Variants in ZNF330 observed in about 807,000 individuals in gnomAD.
ZNF330 encodes nucleolar atypical zinc finger.
In ZNF330, 31 loss-of-function variants were observed where a neutral mutation model predicts 45.5. The ratio of observed to expected loss-of-function variants is 0.68; its 90% CI spans 0.51 to 0.92. The LOEUF is 0.92. Among genes scored for constraint, ZNF330 ranks in the 40% least tolerant of loss-of-function variants. The pLI, the probability that ZNF330 is intolerant of heterozygous loss-of-function variation, is 0.00. For synonymous variants in ZNF330, 138 were observed against 123.2 expected (o/e 1.12, Z -0.79); for missense variants, 356 against 387.4 (o/e 0.92, Z 0.68).
intron 5 of ZNF330, among the ~76,000 whole-genome samples, chr4:141,228,436 T>C (rs1160032264): frequency 6.6e-6 from 1 of 152,044 alleles, no homozygotes; most frequent in Non-Finnish European, 1.5e-5. Context: ...AAGATCTGGG[T>C]GTTTATTCCT....
rs756694015 is a variant in ZNF330 at position 141,230,162 on chromosome 4, A to T, written c.419-4A>T. The T allele has an allele frequency of 1.9e-6, 3 of 1,591,256 alleles. No individual in the cohort carries two copies. The East Asian group carries it at 6.7e-5, about 36-fold the overall frequency. On this transcript the variant is annotated splice_region_variant and splice_polypyrimidine_tract_variant and intron_variant, in intron 6 of 9. Coordinates refer to ENST00000262990, the MANE Select transcript of ZNF330 (RefSeq NM_014487.6). The stretch of plus-strand genomic sequence containing the variant: ...ATTACATTTGTGTTTTTTTAATCCA[A>T]TAGGAGGCAGAATATTCAGTTGTTC...
intron 9 of ZNF330, 107 bp from the exon 10 acceptor site, chr4:141,233,606 TCA>T: frequency 6.2e-6 from 9 of 1,442,650 alleles, no homozygotes; most frequent in African/African-American, 4.3e-5. Context: ...ACCTATTTTT[TCA>T]TTTGGGATTG....
intron 7 of ZNF330, among the ~76,000 whole-genome samples, chr4:141,230,875 G>A (rs1412391491): frequency 6.6e-6 from 1 of 152,002 alleles, no homozygotes; most frequent in African/African-American, 2.4e-5. Flanking sequence ...TTTACACATA[G>A]TTTTTTTCTT....
chr4:141,229,657 T>C lies in ZNF330; in HGVS notation c.378T>C (p.Asp126=). Residue 126 remains aspartate (D), a synonymous_variant, in exon 6 of 10, where the codon GAT becomes GAC. Coordinates refer to ENST00000262990, the MANE Select transcript of ZNF330 (RefSeq NM_014487.6). The stretch of plus-strand genomic sequence containing the variant: ...ATGCTTGTGCCTGCCCTCTTACCGA[T>C]GCTGAGTGTGTTGAATGTGAACGAG... ...STHACACPLT[D]AECVECERGV... The C allele has an allele frequency of 6.2e-7, 1 of 1,613,214 alleles. No individual in the cohort carries two copies.
Position 141,224,634 on chromosome 4 carries a change from C to T in ZNF330, c.168C>T (p.Tyr56=). ...GGCAGAAGAATAGAGCATTTTGCTA[C>T]TTTTGTAATTCTGTACAGAAGTTAC... ...QRRQKNRAFC[Y]FCNSVQKLPI... Residue 56 remains tyrosine (Y), a synonymous_variant, in exon 4 of 10, where the codon TAC becomes TAT. Transcript: ENST00000262990. 2 of 1,613,528 alleles carry T rather than the reference C, an allele frequency of 1.2e-6. No homozygotes were observed. Among genetic ancestry groups the T allele is most frequent in the Non-Finnish European group, 1.7e-6 (2 of 1,179,646 alleles).
chr4:141,232,445 A>G (rs1728980864), intron 8 of ZNF330, 80 bp from the exon 9 acceptor site: 7 of 712,044 alleles, frequency 9.8e-6, no homozygotes, highest in Non-Finnish European at 1.2e-5. Context: ...ATAAAGCTAT[A>G]TCTTTAAAAC....
At chr4:141,230,706 G>A (rs1000198602) in intron 7 of ZNF330, among the ~76,000 whole-genome samples, 3 of 152,052 alleles carry the variant, frequency 2.0e-5, no homozygotes, top group African/African-American at 7.2e-5. Flanking sequence ...AATACCTGTG[G>A]AGGTTTTAAA....
At chr4:141,226,878 G>C (rs753302753) in intron 5 of ZNF330, 32 bp downstream of exon 5, 1 of 1,510,490 alleles carries the variant, frequency 6.6e-7, no homozygotes, top group Non-Finnish European at 9.1e-7. Context: ...AGACTAGTAC[G>C]TTTTCAAGGA....
chr4:141,222,499 C>T lies in ZNF330; in HGVS notation c.120+8C>T. The T allele has an allele frequency of 6.2e-7, 1 of 1,605,876 alleles. No individual in the cohort carries two copies. Among genetic ancestry groups the T allele is most frequent in the East Asian group, 2.2e-5 (1 of 44,708 alleles). On this transcript the variant is annotated splice_region_variant and intron_variant, in intron 2 of 9. Coordinates refer to ENST00000262990, the MANE Select transcript of ZNF330 (RefSeq NM_014487.6). ...CCATGTAATGCCTCAATGGTATCAG[C>T]TTTTTTTGATATCAGTTGGTAGTTG...
intron 4 of ZNF330, among the ~76,000 whole-genome samples, chr4:141,226,341 A>G (rs1728803907): frequency 6.6e-6 from 1 of 152,186 alleles, no homozygotes; most frequent in Admixed American, 6.5e-5. Flanking sequence ...ATTCTGTGGA[A>G]AGAAATAACT....
At chr4:141,222,181 C>T (rs1728695120) in intron 1 of ZNF330, among the ~76,000 whole-genome samples, 185 bp from the exon 2 acceptor site, 1 of 152,060 alleles carries the variant, frequency 6.6e-6, no homozygotes, top group Admixed American at 6.5e-5. Context: ...TTAAGGATCA[C>T]CCGCTTCATT....
rs892526490 is a variant in ZNF330 at position 141,234,180 on chromosome 4, T to C, written c.*191T>C. 2 of 1,094,794 alleles carry C rather than the reference T, an allele frequency of 1.8e-6. No individual in the cohort carries two copies. Among genetic ancestry groups the C allele is most frequent in the African/African-American group, 3.2e-5 (2 of 62,826 alleles). The allele number at this position is 1,094,794 out of a possible 1,614,324, so 67.8% of individuals were successfully genotyped here. On this transcript the variant is annotated 3_prime_UTR_variant, in exon 10 of 10. Coordinates refer to ENST00000262990, the MANE Select transcript of ZNF330 (RefSeq NM_014487.6). The stretch of plus-strand genomic sequence containing the variant: ...AATCAGGCTTATGGCATAAGAAAAA[T>C]GAGTTTCAAATTTAAGATGTTTATT...
chr4:141,232,318 T>C (rs1008236149), intron 8 of ZNF330, among the ~76,000 whole-genome samples: 19 of 152,256 alleles, frequency 1.2e-4, no homozygotes, highest in African/African-American at 4.3e-4. Flanking sequence ...ATACTCAATA[T>C]AGTCTGCCTT....
chr4:141,227,642 G>T (rs187826864), intron 5 of ZNF330, among the ~76,000 whole-genome samples: 1 of 152,054 alleles, frequency 6.6e-6, no homozygotes, highest in Non-Finnish European at 1.5e-5. Flanking sequence ...ATAATCCTTT[G>T]GGTATATACT....
chr4:141,221,141 G>T (rs544906545), intron 1 of ZNF330, 33 bp downstream of exon 1: 1 of 152,350 alleles, frequency 6.6e-6, no homozygotes, highest in African/African-American at 2.4e-5. Flanking sequence ...GACGGTTGCG[G>T]GTCCCCGTTG....
chr4:141,231,531 T>A, intron 8 of ZNF330, 46 bp downstream of exon 8: 2 of 1,449,782 alleles, frequency 1.4e-6, no homozygotes, highest in Non-Finnish European at 1.9e-6. Flanking sequence ...TTTTAATCTC[T>A]ATACCCCTCC....
chr4:141,227,060 C>A (rs1454283166), intron 5 of ZNF330, among the ~76,000 whole-genome samples: 1 of 151,138 alleles, frequency 6.6e-6, no homozygotes, highest in Non-Finnish European at 1.5e-5. Context: ...AGGGAACATA[C>A]AAGGCATGGA....
rs773620710 is a variant in ZNF330, at chr4:141,229,632, A to G, written c.353A>G (p.His118Arg). ...CATGGTAGGAAATGTCTCAGTACACATGCTTGTGCCTGCCCTCTTACCGAT... is the reference window on the plus strand; with the variant it reads ...CATGGTAGGAAATGTCTCAGTACACGTGCTTGTGCCTGCCCTCTTACCGAT... ...VCHGRKCLST[H>R]ACACPLTDAE... The change falls in exon 6 of 10, where the codon CAT (histidine) becomes CGT (arginine). Residue 118 changes from histidine to arginine, a missense_variant. Physicochemically the swap from His to Arg is conservative, Grantham distance 29. Transcript: ENST00000262990. 1.2e-6 allele frequency: 2 copies of G among 1,613,280 alleles called. No individual in the cohort carries two copies. Among genetic ancestry groups the G allele is most frequent in the Non-Finnish European group, 1.7e-6 (2 of 1,179,356 alleles).
rs1729043088 is a variant in ZNF330 at position 141,234,646 on chromosome 4, T to C, written c.*657T>C. ...TCAGAAATAGTATTATTACAGAAGC[T>C]TTACCCAGGACATTTTATTTCTCTT... On this transcript the variant is annotated 3_prime_UTR_variant, in exon 10 of 10. Coordinates refer to ENST00000262990, the MANE Select transcript of ZNF330 (RefSeq NM_014487.6). The C allele has an allele frequency of 6.6e-6, 1 of 152,196 alleles. No individual in the cohort carries two copies. Among genetic ancestry groups the C allele is most frequent in the Non-Finnish European group, 1.5e-5 (1 of 68,024 alleles). 9.4% of individuals were successfully genotyped at this position (152,196 alleles called of 1,614,324 possible).
Sources: allele counts gnomAD v4.1 joint callset (sites outside exome capture counted in the v4.1 genomes callset), GRCh38; gene constraint gnomAD v4.1.1; transcripts MANE v1.5; gene names NCBI Gene and HGNC (gene_info 2026-07-23, HGNC 2026-07-21).